The following CERS3 variants were observed in gnomAD, a reference collection of about 807,000 sequenced individuals.
The protein encoded by CERS3 is LAG1 homolog, ceramide synthase 3.
CERS3 carries 33 observed loss-of-function variants against 50.3 expected under a neutral mutation model. That is an observed-to-expected ratio of 0.66 (90% CI 0.50 to 0.88). The LOEUF is 0.88. CERS3 is among the 40% of genes least tolerant of loss of function. The pLI is 0.00. For missense variants in CERS3, 470 were observed against 460.3 expected (o/e 1.02, Z -0.19); for synonymous variants, 176 against 155.2 (o/e 1.13, Z -0.99).
intron 11 of CERS3, among the ~76,000 whole-genome samples, chr15:100,423,195 T>C (rs1334091706): frequency 6.6e-6 from 1 of 152,102 alleles, no homozygotes; most frequent in Non-Finnish European, 1.5e-5. Flanking sequence ...TTGGCCACTG[T>C]GGAAAGCATT....
At chr15:100,509,882 A>G (rs2142355384) in intron 2 of CERS3, among the ~76,000 whole-genome samples, 1 of 152,298 alleles carries the variant, frequency 6.6e-6, no homozygotes, top group South Asian at 2.1e-4. Context: ...AGCCAATAAT[A>G]AAATCTGATT....
chr15:100,491,507 C>T (rs987580657), intron 3 of CERS3, among the ~76,000 whole-genome samples: 2 of 152,142 alleles, frequency 1.3e-5, no homozygotes, highest in Non-Finnish European at 1.5e-5. Context: ...TCCCTGCCAA[C>T]ACATGGTACT....
chr15:100,436,545 G>A (rs1407518511), intron 11 of CERS3, among the ~76,000 whole-genome samples: 1 of 152,004 alleles, frequency 6.6e-6, no homozygotes, highest in South Asian at 2.1e-4. Flanking sequence ...ACTAGGTGAT[G>A]GGTTGATAGG....
intron 9 of CERS3, among the ~76,000 whole-genome samples, chr15:100,470,049 G>T (rs183685146): frequency 6.6e-6 from 1 of 152,268 alleles, no homozygotes; most frequent in East Asian, 1.9e-4. Context: ...AGTCTATACT[G>T]CTCATATTAT....
intron 11 of CERS3, among the ~76,000 whole-genome samples, chr15:100,429,130 A>T (rs2032983348): frequency 6.6e-6 from 1 of 152,188 alleles, no homozygotes; most frequent in Non-Finnish European, 1.5e-5. Flanking sequence ...TCTAAACCCA[A>T]CTAGAAGCCA....
intron 7 of CERS3, 149 bp downstream of exon 7, chr15:100,479,279 A>G: frequency 2.0e-6 from 1 of 502,940 alleles, no homozygotes; most frequent in South Asian, 4.0e-5. Context: ...AATGAGGGTC[A>G]ATAAGGATAA....
chr15:100,452,066 A>G (rs1466989075), intron 11 of CERS3, among the ~76,000 whole-genome samples: 2 of 152,202 alleles, frequency 1.3e-5, no homozygotes, highest in East Asian at 3.8e-4. Flanking sequence ...TAGATGGATC[A>G]TCTGGACGGA....
At chr15:100,511,426 C>G (rs1386550357) in intron 2 of CERS3, among the ~76,000 whole-genome samples, 2 of 151,020 alleles carry the variant, frequency 1.3e-5, no homozygotes, top group African/African-American at 4.9e-5. Flanking sequence ...AATCCAGGGA[C>G]TTTTTCCATC....
chr15:100,508,942 T>G (rs2142352668), intron 2 of CERS3, among the ~76,000 whole-genome samples: 1 of 152,332 alleles, frequency 6.6e-6, no homozygotes, highest in South Asian at 2.1e-4. Flanking sequence ...CTGAGGCTAT[T>G]TTTTAAAATA....
At chr15:100,507,892 T>C (rs1314361019) in intron 2 of CERS3, among the ~76,000 whole-genome samples, 1 of 152,268 alleles carries the variant, frequency 6.6e-6, no homozygotes, top group East Asian at 1.9e-4. Flanking sequence ...TTCTTGGCTT[T>C]CCTGATTGCC....
At chr15:100,402,895 G>C (rs1341030965) in intron 11 of CERS3, 30 bp from the exon 12 acceptor site, 1 of 1,558,220 alleles carries the variant, frequency 6.4e-7, no homozygotes, top group African/African-American at 1.4e-5. Flanking sequence ...GGCTGTGAGT[G>C]ACAATCTTCC....
At chr15:100,500,710 A>G (rs1339515534) in intron 3 of CERS3, among the ~76,000 whole-genome samples, 1 of 152,228 alleles carries the variant, frequency 6.6e-6, no homozygotes, top group Non-Finnish European at 1.5e-5. Flanking sequence ...AGTGGTTTCC[A>G]GGGGCTTTCT....
rs544073761 is a variant in CERS3, at chr15:100,476,323, C to G, written c.517-145G>C. 18 of 446,688 alleles carry G rather than the reference C, an allele frequency of 4.0e-5. No individual in the cohort carries two copies. In the East Asian group the frequency reaches 7.3e-4, roughly 18 times the overall value. The allele number at this position is 446,688 out of a possible 1,614,324, so 27.7% of individuals were successfully genotyped here. A position where few individuals can be genotyped will look rare whatever the true frequency, so the allele number is the denominator to read the frequency against. ...ACTGATATTTCAATTTATATTTCAA[C>G]GAAGGAATTAAAGATAATATTTTAA... is the stretch of plus-strand genomic sequence containing the variant. On this transcript the variant is annotated intron_variant, in intron 7 of 11. Coordinates refer to ENST00000679737, the MANE Select transcript of CERS3 (RefSeq NM_001378789.1).
Position 100,428,112 on chromosome 15 carries a change from A to T in CERS3, c.1000-25247T>A, listed in dbSNP as rs137983283. Among the ~76,000 whole-genome samples the T allele has an allele frequency of 8.2e-3, 1,254 of 152,320 alleles. 23 individuals are homozygous for T. Among genetic ancestry groups the T allele is most frequent in the Admixed American group, 0.05 (764 of 15,294 alleles). On this transcript the variant is annotated intron_variant, in intron 11 of 11. Coordinates refer to ENST00000679737, the MANE Select transcript of CERS3 (RefSeq NM_001378789.1). ...TTCTCAGATTGGGATTACAACTGAC[A>T]AATTTGCTACAATCTCATTTTCTCC...
At chr15:100,473,226 A>G (rs970348645) in intron 8 of CERS3, among the ~76,000 whole-genome samples, 174 bp from the exon 9 acceptor site, 3 of 152,198 alleles carry the variant, frequency 2.0e-5, no homozygotes, top group Non-Finnish European at 4.4e-5. Context: ...GACATGTATT[A>G]TTCTTGTTGA....
intron 7 of CERS3, 97 bp from the exon 8 acceptor site, chr15:100,476,275 C>A: frequency 1.6e-6 from 1 of 607,154 alleles, no homozygotes; most frequent in South Asian, 2.3e-5. Flanking sequence ...TTATATCCCA[C>A]CAGATTCCAT....
At chr15:100,433,032 C>T (rs775134316) in intron 11 of CERS3, among the ~76,000 whole-genome samples, 9 of 151,808 alleles carry the variant, frequency 5.9e-5, no homozygotes, top group African/African-American at 1.5e-4. Flanking sequence ...GTCAGGAGAT[C>T]GAGACCATCC....
intron 4 of CERS3, among the ~76,000 whole-genome samples, chr15:100,490,579 C>T (rs2035620092): frequency 6.6e-6 from 1 of 152,188 alleles, no homozygotes; most frequent in Non-Finnish European, 1.5e-5. Context: ...TAGTGCTCTA[C>T]ACTATAGTTA....
At chr15:100,405,653 T>C (rs74038760) in intron 11 of CERS3, among the ~76,000 whole-genome samples, 7,589 of 152,206 alleles carry the variant, frequency 0.05, 354 homozygotes, top group African/African-American at 0.12. Flanking sequence ...GATAAAACTA[T>C]AGGGATGGAT....
Sources: gnomAD v4.1 joint callset for allele counts (sites outside exome capture counted in the v4.1 genomes callset) on GRCh38, gnomAD v4.1.1 for gene constraint, MANE v1.5 for transcripts, NCBI Gene and HGNC (gene_info 2026-07-23, HGNC 2026-07-21) for gene names.